The following MIPOL1 variants were observed in gnomAD, a reference collection of about 807,000 sequenced individuals.
The protein encoded by MIPOL1 is mirror-image polydactyly gene 1 protein.
MIPOL1 carries 57 observed loss-of-function variants against 60.9 expected under a neutral mutation model. The observed-to-expected ratio is 0.94, with a 90% CI of 0.76 to 1.17. The LOEUF (loss-of-function observed/expected upper bound fraction) is 1.17, where lower values mean the gene tolerates loss of function less well. MIPOL1 is among the 50% of genes most tolerant of loss of function. MIPOL1 has a pLI of 0.00. For synonymous variants in MIPOL1, 179 were observed against 168.8 expected, an observed-to-expected ratio of 1.06 and a Z score of -0.47; for missense variants, 551 against 511.6, an observed-to-expected ratio of 1.08 and a Z score of -0.74.
At chr14:37,510,016 A>G (rs559946411) in intron 12 of MIPOL1, among the ~76,000 whole-genome samples, 1 of 151,850 alleles carries the variant, frequency 6.6e-6, no homozygotes, top group Admixed American at 6.6e-5. Context: ...TTATATATGT[A>G]TATATACACG....
rs1049618182 is a variant in MIPOL1 at position 37,222,561 on chromosome 14, A to T, written c.-199+24457A>T. Among the ~76,000 whole-genome samples the T allele has an allele frequency of 1.2e-4, 18 of 152,140 alleles. No homozygotes were observed. The East Asian group carries it at 3.5e-3, about 29-fold the overall frequency. On this transcript the variant is annotated intron_variant, in intron 1 of 12. Coordinates refer to ENST00000684589, the MANE Select transcript of MIPOL1 (RefSeq NM_001388067.1). ...CATAAAGCCTTTTGGGCATGGACAT[A>T]ATTAAACCAAGTTCTTTGCAACTTT...
At position 37,373,463 on chromosome 14, in the gene MIPOL1, C is replaced by T. The variant is rs139197118; in HGVS notation, c.936+3839C>T. Among the ~76,000 whole-genome samples the T allele has an allele frequency of 3.1e-4, 47 of 151,462 alleles. 1 individual carries two copies. The highest frequency in any genetic ancestry group is 1.1e-3 in the African/African-American group (47 of 41,264). The stretch of plus-strand genomic sequence containing the variant: ...GTGCAGAACATGAGGGTTTGTTACA[C>T]AGGTATACACATGCCATGGTGGCTT... On this transcript the variant is annotated intron_variant, in intron 10 of 12. Transcript: ENST00000684589.
intron 11 of MIPOL1, among the ~76,000 whole-genome samples, chr14:37,475,200 A>G (rs906274665): frequency 3.3e-5 from 5 of 152,066 alleles, no homozygotes; most frequent in Non-Finnish European, 7.4e-5. Context: ...CCTGACCTCA[A>G]GTGGTCCACC....
intron 11 of MIPOL1, among the ~76,000 whole-genome samples, chr14:37,439,514 A>C (rs546090142): frequency 8.5e-5 from 13 of 152,302 alleles, no homozygotes; most frequent in African/African-American, 3.1e-4. Context: ...CAAAAGAAAT[A>C]CTTCAATACT....
chr14:37,482,890 G>T (rs1046130819), intron 11 of MIPOL1, among the ~76,000 whole-genome samples: 4 of 152,098 alleles, frequency 2.6e-5, no homozygotes, highest in African/African-American at 9.7e-5. Flanking sequence ...TTAGGGGATT[G>T]GTATCAGCAC....
chr14:37,416,628 G>A (rs550139350), intron 10 of MIPOL1, among the ~76,000 whole-genome samples: 28 of 152,240 alleles, frequency 1.8e-4, no homozygotes, highest in Admixed American at 4.6e-4. Flanking sequence ...CCAAAGCGTT[G>A]TTATTCTGTG....
chr14:37,447,955 C>T (rs1243634759), intron 11 of MIPOL1, among the ~76,000 whole-genome samples: 1 of 151,970 alleles, frequency 6.6e-6, no homozygotes, highest in East Asian at 1.9e-4. Flanking sequence ...GCCATTGACA[C>T]AAAAGAGCAA....
At chr14:37,461,801 C>A (rs1248866225) in intron 11 of MIPOL1, among the ~76,000 whole-genome samples, 2 of 152,208 alleles carry the variant, frequency 1.3e-5, no homozygotes, top group African/African-American at 4.8e-5. Context: ...ACATCCAGGT[C>A]ATGCTGATGC....
chr14:37,205,630 C>G (rs767767420), intron 1 of MIPOL1, among the ~76,000 whole-genome samples: 8 of 152,122 alleles, frequency 5.3e-5, no homozygotes, highest in Non-Finnish European at 1.0e-4. Context: ...CTCCCCATCC[C>G]CCAACAGGCC....
chr14:37,412,322 A>G (rs993275488), intron 10 of MIPOL1, among the ~76,000 whole-genome samples: 5 of 152,122 alleles, frequency 3.3e-5, no homozygotes, highest in Admixed American at 2.6e-4. Flanking sequence ...CTTGACACGT[A>G]TGTATGTAAA....
intron 12 of MIPOL1, chr14:37,501,662 C>G (rs929217388): frequency 6.6e-6 from 1 of 152,188 alleles, no homozygotes; most frequent in East Asian, 1.9e-4. Flanking sequence ...CTCTAGTCTG[C>G]AGCTCCCAGT....
At chr14:37,464,800 C>T (rs913797667) in intron 11 of MIPOL1, among the ~76,000 whole-genome samples, 7 of 152,274 alleles carry the variant, frequency 4.6e-5, no homozygotes, top group African/African-American at 1.7e-4. Flanking sequence ...TATCTTTTCA[C>T]ATATAAGCAA....
chr14:37,309,499 C>T (rs1375180067), intron 9 of MIPOL1, among the ~76,000 whole-genome samples: 2 of 152,046 alleles, frequency 1.3e-5, no homozygotes, highest in Non-Finnish European at 2.9e-5. Flanking sequence ...ATAATCCTTT[C>T]AAAAATTGCA....
chr14:37,545,970 G>A (rs1264716568), intron 12 of MIPOL1: 2 of 246,262 alleles, frequency 8.1e-6, no homozygotes, highest in Non-Finnish European at 1.5e-5. Flanking sequence ...TTACTTATAA[G>A]GAAGATTTCT....
chr14:37,461,410 A>G (rs1019618066), intron 11 of MIPOL1, among the ~76,000 whole-genome samples: 1 of 152,144 alleles, frequency 6.6e-6, no homozygotes, highest in Non-Finnish European at 1.5e-5. Context: ...ACCCTCCCCT[A>G]TAATTCAGTC....
intron 12 of MIPOL1, among the ~76,000 whole-genome samples, chr14:37,521,657 CTCAG>C (rs1271033410): frequency 6.6e-6 from 1 of 152,108 alleles, no homozygotes; most frequent in African/African-American, 2.4e-5. Context: ...TGATAAACAA[CTCAG>C]TCAGCTGATT....
In MIPOL1 at chr14:37,268,788, A is replaced by G. The variant is rs1441700644; in HGVS notation, c.382A>G (p.Lys128Glu). The G allele has an allele frequency of 1.8e-5, 28 of 1,570,140 alleles. No individual in the cohort carries two copies. Among genetic ancestry groups the G allele is most frequent in the Non-Finnish European group, 2.3e-5 (26 of 1,154,086 alleles). The change falls in exon 5 of 13, where the codon AAA (lysine) becomes GAA (glutamate). Residue 128 changes from lysine to glutamate, a missense_variant. Physicochemically the swap from Lys to Glu is moderately conservative, Grantham distance 56. Coordinates refer to ENST00000684589, the MANE Select transcript of MIPOL1 (RefSeq NM_001388067.1). ...KELDILRTSN[K>E]KLQQKLAKED... ...ATTGGATATTCTCAGAACAAGCAAT[A>G]AAAAGGTATAATATGGAAAGTCTGA...
intron 9 of MIPOL1, among the ~76,000 whole-genome samples, chr14:37,351,858 T>A (rs1384963170): frequency 6.6e-6 from 1 of 150,878 alleles, no homozygotes; most frequent in East Asian, 2.0e-4. Context: ...ATTTTGTAGG[T>A]TGCCTGTTCA....
At chr14:37,369,784 G>A in intron 10 of MIPOL1, 160 bp downstream of exon 10, 4 of 435,300 alleles carry the variant, frequency 9.2e-6, no homozygotes, top group South Asian at 4.6e-5. Flanking sequence ...CTTTTGTTAT[G>A]GTATTATTTT....
Sources: allele counts gnomAD v4.1 joint callset (sites outside exome capture counted in the v4.1 genomes callset), GRCh38; gene constraint gnomAD v4.1.1; transcripts MANE v1.5; gene names NCBI Gene and HGNC (gene_info 2026-07-23, HGNC 2026-07-21).